The following HEATR5B variants were observed in gnomAD, a reference collection of about 807,000 sequenced individuals.
The protein encoded by HEATR5B is HEAT repeat containing 5B.
Under a neutral mutation model 224.1 loss-of-function variants are expected in HEATR5B, and 156 were observed. That is an observed-to-expected ratio of 0.70 (90% confidence interval 0.61 to 0.80). HEATR5B has a LOEUF of 0.80. Ranked by LOEUF, HEATR5B falls within the 30% of genes least tolerant of loss-of-function variation. HEATR5B has a pLI of 0.00. For synonymous variants in HEATR5B, 1,027 were observed against 893.0 expected (o/e 1.15, Z -2.68); for missense variants, 2,323 against 2,535.5 (o/e 0.92, Z 1.80).
intron 33 of HEATR5B, among the ~76,000 whole-genome samples, chr2:36,995,334 C>CCA (rs113307936): frequency 0.015 from 2,353 of 152,106 alleles, 62 homozygotes; most frequent in African/African-American, 0.052. Context: ...CGTGATCTGC[C>CCA]CACTTTGGCC....
At position 37,084,256 on chromosome 2, in the gene HEATR5B, T is replaced by C. The variant is rs1340789812; in HGVS notation, c.-23+13A>G. 2.6e-6 allele frequency: 1 copy of C among 387,234 alleles called. No individual in the cohort carries two copies. Among genetic ancestry groups the C allele is most frequent in the African/African-American group, 2.1e-5 (1 of 48,380 alleles). 24.0% of individuals were successfully genotyped at this position (387,234 alleles called of 1,614,324 possible). On this transcript the variant is annotated intron_variant, in intron 1 of 35. Coordinates refer to ENST00000233099, the MANE Select transcript of HEATR5B (RefSeq NM_019024.3). ...GTCCGTGCGTGTCAACATGCATGCT[T>C]CGGCGACCTCACCTCGTAGTCTGGA... is the stretch of plus-strand genomic sequence containing the variant.
intron 22 of HEATR5B, 27 bp from the exon 23 acceptor site, chr2:37,028,947 T>G (rs1558752158): frequency 6.2e-7 from 1 of 1,610,916 alleles, no homozygotes; most frequent in Non-Finnish European, 8.5e-7. Flanking sequence ...ACAAATGAAT[T>G]TGTATGGTAT....
At chr2:37,031,224 A>G (rs556470543) in intron 22 of HEATR5B, among the ~76,000 whole-genome samples, 22 of 152,174 alleles carry the variant, frequency 1.4e-4, no homozygotes, top group Non-Finnish European at 2.9e-4. Flanking sequence ...TAATAAACAC[A>G]GCCAGGAAAA....
Position 37,013,895 on chromosome 2 carries a change from G to A in HEATR5B, c.4230C>T (p.Tyr1410=), listed in dbSNP as rs1206637558. 3 of 1,612,746 alleles carry A rather than the reference G, an allele frequency of 1.9e-6. No homozygotes were observed. Among genetic ancestry groups the A allele is most frequent in the Non-Finnish European group, 2.5e-6 (3 of 1,179,406 alleles). The part of the protein sequence containing the change: ...QAGKGSSSQL[Y]RESATTMEKL... ...TTTCCATGGTCGTGGCACTCTCTCG[G>A]TACAGCTGGCTGGAAGATCCTTTTC... Residue 1410 remains tyrosine (Y), a synonymous_variant, in exon 27 of 36, where the codon TAC becomes TAT. Transcript: ENST00000233099.
At chr2:37,046,129 G>A (rs1558338801) in intron 18 of HEATR5B, among the ~76,000 whole-genome samples, 1 of 152,128 alleles carries the variant, frequency 6.6e-6, no homozygotes, top group Non-Finnish European at 1.5e-5. Flanking sequence ...AATAAAAGAA[G>A]CTATGAAGAA....
rs557117502 is a variant in HEATR5B at position 37,083,722 on chromosome 2, A to G, written c.-22-286T>C. Among the ~76,000 whole-genome samples, 7 of 152,350 alleles carry G rather than the reference A, an allele frequency of 4.6e-5. No homozygotes were observed. In the South Asian group the frequency reaches 1.4e-3, roughly 32 times the overall value. ...CCAGAAGAAATATGTCCAGCAACAC[A>G]TATGTCATTTACCCGTTCTATAAAT... On this transcript the variant is annotated intron_variant, in intron 1 of 35. Transcript: ENST00000233099.
chr2:36,989,876 G>C (rs1240298245), intron 34 of HEATR5B, among the ~76,000 whole-genome samples: 1 of 146,432 alleles, frequency 6.8e-6, no homozygotes, highest in Non-Finnish European at 1.5e-5. Flanking sequence ...CAGGAAGACA[G>C]TACTGGAATC....
At chr2:36,989,793 C>T (rs1030350397) in intron 34 of HEATR5B, among the ~76,000 whole-genome samples, 4 of 151,700 alleles carry the variant, frequency 2.6e-5, no homozygotes, top group African/African-American at 7.3e-5. Flanking sequence ...CTAAATATGG[C>T]TAGACACAAG....
intron 24 of HEATR5B, among the ~76,000 whole-genome samples, chr2:37,026,322 G>T (rs1668771641): frequency 1.3e-5 from 2 of 152,186 alleles, no homozygotes; most frequent in African/African-American, 4.8e-5. Context: ...CGAGACTCTT[G>T]TTGGACTTCT....
chr2:37,002,459 T>C lies in HEATR5B; in HGVS notation c.5164A>G (p.Ile1722Val), dbSNP rs1299573640. The C allele has an allele frequency of 3.1e-6, 5 of 1,614,098 alleles. No homozygotes were observed. The South Asian group carries it at 3.3e-5, about 11-fold the overall frequency. Residue 1722 changes from isoleucine (I) to valine (V), a missense_variant, in exon 32 of 36, where the codon ATT (isoleucine) becomes GTT (valine). Around this residue, in one of 12 missense-constraint regions of HEATR5B, gnomAD observed 844 missense variants for 812.9 expected, o/e 1.04. Coordinates refer to ENST00000233099, the MANE Select transcript of HEATR5B (RefSeq NM_019024.3). ...VFATMELLMF[I>V]LVRHMPHLST... ...AGATGTGGCATATGCCGTACTAAAA[T>C]GAACATCAGCAGCTCCATAGTTGCA... is the stretch of plus-strand genomic sequence containing the variant.
intron 20 of HEATR5B, 96 bp downstream of exon 20, chr2:37,040,233 T>A: frequency 1.0e-6 from 1 of 999,766 alleles, no homozygotes; most frequent in Admixed American, 2.1e-5. Context: ...TAATTGTTAT[T>A]ACAAAATTTC....
intron 4 of HEATR5B, 51 bp from the exon 5 acceptor site, chr2:37,075,685 A>G: frequency 6.8e-7 from 1 of 1,467,916 alleles, no homozygotes; most frequent in Middle Eastern, 1.8e-4. Flanking sequence ...TTCCATATTT[A>G]AACAAGAACA....
intron 18 of HEATR5B, among the ~76,000 whole-genome samples, chr2:37,044,101 A>G (rs1670040959): frequency 6.6e-6 from 1 of 152,118 alleles, no homozygotes; most frequent in Non-Finnish European, 1.5e-5. Flanking sequence ...TCTTTTTTTG[A>G]ACTAAGTCTT....
chr2:37,013,935 T>A lies in HEATR5B; in HGVS notation c.4190A>T (p.Asp1397Val). The A allele has an allele frequency of 1.2e-6, 2 of 1,613,166 alleles. No individual in the cohort carries two copies. Among genetic ancestry groups the A allele is most frequent in the Non-Finnish European group, 1.7e-6 (2 of 1,179,554 alleles). The change falls in exon 27 of 36, where the codon GAC becomes GTC. Residue 1397 changes from aspartate (D) to valine (V), a missense_variant. Asp to Val is a radical substitution (Grantham distance 152). Coordinates refer to ENST00000233099, the MANE Select transcript of HEATR5B (RefSeq NM_019024.3). ...AGATCCTTTTCCAGCCTGAACTTTGTCCAGAGAAGAAACAAGAAGATTGTG... is the reference window on the plus strand; with the variant it reads ...AGATCCTTTTCCAGCCTGAACTTTGACCAGAGAAGAAACAAGAAGATTGTG... ...RVHNLLVSSL[D>V]KVQAGKGSSS...
At chr2:37,067,182 CTT>C (rs1426334768) in intron 8 of HEATR5B, among the ~76,000 whole-genome samples, 1 of 152,000 alleles carries the variant, frequency 6.6e-6, no homozygotes, top group Non-Finnish European at 1.5e-5. Context: ...CCAAATAACT[CTT>C]GTTTTTAGGT....
chr2:36,990,859 T>C (rs1666280532), intron 33 of HEATR5B, 60 bp from the exon 34 acceptor site: 8 of 1,410,160 alleles, frequency 5.7e-6, no homozygotes, highest in African/African-American at 1.4e-5. Flanking sequence ...TTTTATTTTT[T>C]TATTTTTGTA....
chr2:37,065,078 A>G, intron 9 of HEATR5B, 88 bp from the exon 10 acceptor site: 3 of 1,339,926 alleles, frequency 2.2e-6, no homozygotes, highest in Non-Finnish European at 3.1e-6. Context: ...AATAACTGAA[A>G]TGACAATCAC....
chr2:37,022,600 T>A (rs1668533752), intron 24 of HEATR5B, among the ~76,000 whole-genome samples: 1 of 152,250 alleles, frequency 6.6e-6, no homozygotes, highest in South Asian at 2.1e-4. Context: ...CAAAAAAGGC[T>A]GTAGGTTGGA....
intron 2 of HEATR5B, among the ~76,000 whole-genome samples, chr2:37,080,724 G>A (rs1672504927): frequency 6.6e-6 from 1 of 151,374 alleles, no homozygotes; most frequent in South Asian, 2.1e-4. Flanking sequence ...TTTTATAGAT[G>A]ATAGTAAAAA....
Sources: allele counts gnomAD v4.1 joint callset (sites outside exome capture counted in the v4.1 genomes callset), GRCh38; gene constraint gnomAD v4.1.1; regional missense constraint gnomAD v4.1.1; transcripts MANE v1.5; gene names NCBI Gene and HGNC (gene_info 2026-07-23, HGNC 2026-07-21).